The following SLC1A6 variants were observed in gnomAD, a reference collection of about 807,000 sequenced individuals.
SLC1A6 encodes the protein excitatory amino acid transporter 4.
In SLC1A6, 15 loss-of-function variants were observed where a neutral mutation model predicts 42.1. The ratio of observed to expected loss-of-function variants is 0.36; its 90% CI spans 0.24 to 0.55. The LOEUF (loss-of-function observed/expected upper bound fraction) is 0.55. Among genes scored for constraint, SLC1A6 ranks in the 20% least tolerant of loss-of-function variants. SLC1A6 has a pLI of 0.88. For missense variants in SLC1A6, 542 were observed against 772.5 expected, an observed-to-expected ratio of 0.70 and a Z score of 3.54; for synonymous variants, 317 against 319.7, an observed-to-expected ratio of 0.99 and a Z score of 0.09.
upstream of SLC1A6, chr19:14,980,136 C>CCTTGGCCA (rs1280910114): frequency 2.6e-5 from 4 of 152,350 alleles, no homozygotes; most frequent in Non-Finnish European, 5.9e-5. Context: ...CACCTTCCGG[C>CCTTGGCCA]CTTGGCCACT....
intron 1 of SLC1A6, among the ~76,000 whole-genome samples, chr19:14,985,236 T>C (rs1185633624): frequency 6.6e-6 from 1 of 152,240 alleles, no homozygotes; most frequent in Non-Finnish European, 1.5e-5. Flanking sequence ...TATATTTCTT[T>C]CATTTTTGCA....
chr19:14,998,492 G>A (rs61584009), intron 1 of SLC1A6, among the ~76,000 whole-genome samples: 20,935 of 152,088 alleles, frequency 0.14, 1,534 homozygotes, highest in Non-Finnish European at 0.15. Context: ...AGCGAGCCAA[G>A]ATCATGCCAC....
At position 14,970,371 on chromosome 19, in the gene SLC1A6, T is replaced by C. The variant is rs569206420; in HGVS notation, c.343+1366A>G. The stretch of plus-strand genomic sequence containing the variant: ...CAGGCATAAGTCACCTCACCTGGCC[T>C]GATTTTCTTAATAACATTCTATTCT... On this transcript the variant is annotated intron_variant, in intron 3 of 9. Transcript: ENST00000594383. 1.4e-4 allele frequency among the ~76,000 whole-genome samples: 21 copies of C among 152,272 alleles called. No homozygotes were observed. The South Asian group carries it at 4.4e-3, about 32-fold the overall frequency.
intron 1 of SLC1A6, among the ~76,000 whole-genome samples, chr19:14,987,963 A>G (rs1169259133): frequency 6.6e-6 from 1 of 152,094 alleles, no homozygotes; most frequent in East Asian, 1.9e-4. Context: ...GGCTCAAGCA[A>G]TCCTACTGCC....
At chr19:14,999,573 G>A (rs889206769) in intron 1 of SLC1A6, among the ~76,000 whole-genome samples, 6 of 152,208 alleles carry the variant, frequency 3.9e-5, no homozygotes, top group Non-Finnish European at 8.8e-5. Context: ...TAAACTGATT[G>A]AGACTCATCT....
At chr19:15,003,812 C>T (rs2045883749) in intron 1 of SLC1A6, among the ~76,000 whole-genome samples, 1 of 152,074 alleles carries the variant, frequency 6.6e-6, no homozygotes, top group Admixed American at 6.6e-5. Context: ...AACAGGTGGC[C>T]CCAGCAAAGT....
chr19:14,984,347 A>C (rs2045782654), upstream of SLC1A6, among the ~76,000 whole-genome samples: 2 of 148,748 alleles, frequency 1.3e-5, no homozygotes, highest in Admixed American at 6.7e-5. Flanking sequence ...AATAAAAAAC[A>C]AAAAAAAAAG....
chr19:14,953,455 C>T (rs1455071781), intron 8 of SLC1A6, among the ~76,000 whole-genome samples: 1 of 151,852 alleles, frequency 6.6e-6, no homozygotes, highest in Admixed American at 6.6e-5. Flanking sequence ...ACCATGTTGG[C>T]CAGGCTGGTC....
At chr19:14,992,650 T>C (rs1406954119) in intron 1 of SLC1A6, among the ~76,000 whole-genome samples, 3 of 147,002 alleles carry the variant, frequency 2.0e-5, no homozygotes, top group Non-Finnish European at 4.5e-5. Flanking sequence ...AGAGCAAGAC[T>C]CTGTCTCAAA....
chr19:14,950,367 T>C lies in SLC1A6; in HGVS notation c.1523A>G (p.Asn508Ser), dbSNP rs747228628. 2 of 1,593,642 alleles carry C rather than the reference T, an allele frequency of 1.3e-6. No individual in the cohort carries two copies. Among genetic ancestry groups the C allele is most frequent in the Admixed American group, 1.7e-5 (1 of 58,570 alleles). Residue 508 changes from asparagine (N) to serine (S), a missense_variant, in exon 10 of 10, where the codon AAC becomes AGC. Coordinates refer to ENST00000594383, the MANE Select transcript of SLC1A6 (RefSeq NM_005071.3). Reference protein sequence around the residue: ...WFLDRLRTMTNVLGDSIGAAV... With the variant: ...WFLDRLRTMTSVLGDSIGAAV... ...CGCTCCAATTGAGTCCCCCAGTACG[T>C]TGGTCATTGTGCGAAGCCGGTCACT...
intron 3 of SLC1A6, among the ~76,000 whole-genome samples, chr19:14,970,204 G>A (rs1385661132): frequency 1.3e-5 from 2 of 152,062 alleles, no homozygotes; most frequent in Non-Finnish European, 2.9e-5. Flanking sequence ...CGAGTAGCTA[G>A]GACTATGGGC....
rs1371323433 is a variant in SLC1A6 at position 14,979,535 on chromosome 19, G to A, written c.-234C>T. 4.0e-5 allele frequency: 6 copies of A among 150,870 alleles called. No individual in the cohort carries two copies. Among genetic ancestry groups the A allele is most frequent in the East Asian group, 1.9e-4 (1 of 5,132 alleles). 9.3% of individuals were successfully genotyped at this position (150,870 alleles called of 1,614,324 possible). A position where few individuals can be genotyped will look rare whatever the true frequency, so the allele number is the denominator to read the frequency against. ...CACCGGCGTCCGGAGCGGCGGGGGCGGCCTGCCCGCGCCTCGGCCTGCGCG... is the reference window on the plus strand; with the variant it reads ...CACCGGCGTCCGGAGCGGCGGGGGCAGCCTGCCCGCGCCTCGGCCTGCGCG... On this transcript the variant is annotated 5_prime_UTR_variant, in exon 1 of 10. Coordinates refer to ENST00000594383, the MANE Select transcript of SLC1A6 (RefSeq NM_005071.3). The surrounding 1 kb of genome is among the most constrained non-coding windows in gnomAD (Gnocchi z 4.2).
chr19:14,991,354 G>A (rs1306539159), intron 1 of SLC1A6, among the ~76,000 whole-genome samples: 1 of 152,104 alleles, frequency 6.6e-6, no homozygotes, highest in Non-Finnish European at 1.5e-5. Flanking sequence ...ACTAGGTGCG[G>A]TGGCTCATAC....
upstream of SLC1A6, among the ~76,000 whole-genome samples, chr19:14,982,630 G>T (rs2045773791): frequency 1.3e-5 from 2 of 152,168 alleles, no homozygotes; most frequent in Non-Finnish European, 2.9e-5. Flanking sequence ...CCATACTAAT[G>T]AAATATATTA....
Position 14,991,218 on chromosome 19 carries a change from G to A in SLC1A6, c.7-18301C>T, listed in dbSNP as rs147790730. On this transcript the variant is annotated intron_variant, in intron 1 of 8. Transcript: ENST00000430939. ...TTCGTGGTTGCCAGGGGCTGCAGGCGGGAGAAATGATGAGTGATGCTAAAG... is the reference window on the plus strand; with the variant it reads ...TTCGTGGTTGCCAGGGGCTGCAGGCAGGAGAAATGATGAGTGATGCTAAAG... 8.7e-3 allele frequency among the ~76,000 whole-genome samples: 1,319 copies of A among 152,240 alleles called. 14 individuals are homozygous for A. The highest frequency in any genetic ancestry group is 0.03 in the African/African-American group (1,235 of 41,548).
chr19:14,979,050 T>TCACACACACACACACACA lies in SLC1A6; in HGVS notation c.-8+241_-8+258dup, dbSNP rs56317513. 2.8e-4 allele frequency among the ~76,000 whole-genome samples: 37 copies of TCACACACACACACACACA among 131,404 alleles called. No homozygotes were observed. Among genetic ancestry groups the TCACACACACACACACACA allele is most frequent in the East Asian group, 2.4e-3 (10 of 4,162 alleles). The allele number at this position is 131,404 out of a possible 152,430, so 86.2% of individuals were successfully genotyped here. On this transcript the variant is annotated intron_variant, in intron 1 of 9. Transcript: ENST00000594383. This position sits in a 1 kb window ranked among gnomAD's most constrained non-coding sequence, Gnocchi z 4.2. ...CAAATTCAGTCTCTCTCTCTCTCTG[T>TCACACACACACACACACA]CACACACACACACACACACACACAC...
chr19:15,005,727 C>T (rs1489665803), intron 1 of SLC1A6, among the ~76,000 whole-genome samples: 2 of 152,198 alleles, frequency 1.3e-5, no homozygotes, highest in Non-Finnish European at 2.9e-5. Flanking sequence ...ATAATAGTAT[C>T]ATATACTAGC....
Position 14,962,258 on chromosome 19 carries a change from G to T in SLC1A6, c.679C>A (p.Pro227Thr). Residue 227 changes from proline to threonine, a missense_variant, in exon 6 of 10, where the codon CCA becomes ACA. Pro to Thr is a conservative substitution (Grantham distance 38, BLOSUM62 -1). This residue lies in a region of SLC1A6 where 298 missense variants were observed against 419.4 expected (regional missense o/e 0.71). Transcript: ENST00000594383. ...CTGGTTCCGTTCTCCACTGAGAATG[G>T]AGGAGGCATGGAGGCACCCGGCTCA... The part of the protein sequence containing the change: ...GSEPGASMPP[P>T]FSVENGTSFL... 6.2e-7 allele frequency: 1 copy of T among 1,614,174 alleles called. No homozygotes were observed. The highest frequency in any genetic ancestry group is 8.5e-7 in the Non-Finnish European group (1 of 1,180,016).
At chr19:14,987,839 C>T (rs560075465) in intron 1 of SLC1A6, among the ~76,000 whole-genome samples, 131 of 152,210 alleles carry the variant, frequency 8.6e-4, no homozygotes, top group Middle Eastern at 3.4e-3. Context: ...CCTGCCTTTT[C>T]GGTTTTGGCT....
Sources: gnomAD v4.1 joint callset for allele counts (sites outside exome capture counted in the v4.1 genomes callset) on GRCh38, gnomAD v4.1.1 for gene constraint, gnomAD v4.1.1 regional missense constraint, Gnocchi (gnomAD v3.1) non-coding constraint, MANE v1.5 for transcripts, NCBI Gene and HGNC (gene_info 2026-07-23, HGNC 2026-07-21) for gene names.